FAM83B: variants seen among roughly 807,000 people sequenced by gnomAD.
FAM83B encodes scaffolding CK1 anchoring protein B, also known as protein FAM83B.
Under a neutral mutation model 38.8 loss-of-function variants are expected in FAM83B, and 26 were observed. The observed-to-expected ratio is 0.67, with a 90% CI of 0.49 to 0.93. FAM83B has a LOEUF of 0.93. Among genes scored for constraint, FAM83B ranks in the 40% least tolerant of loss-of-function variants. The probability of loss-of-function intolerance (pLI) is 0.00; values close to 1 mark genes in which losing one functional copy is unlikely to be tolerated. For synonymous variants in FAM83B, 419 were observed against 423.1 expected, an observed-to-expected ratio of 0.99 and a Z score of 0.12; for missense variants, 1,237 against 1,197.3, an observed-to-expected ratio of 1.03 and a Z score of -0.49.
chr6:54,890,180 A>G (rs1772369084), intron 2 of FAM83B, among the ~76,000 whole-genome samples: 1 of 152,070 alleles, frequency 6.6e-6, no homozygotes, highest in South Asian at 2.1e-4. Context: ...TGTTCATTTA[A>G]TCTGATTTTC....
intron 1 of FAM83B, among the ~76,000 whole-genome samples, chr6:54,851,417 C>G (rs1215216699): frequency 6.6e-6 from 1 of 151,846 alleles, no homozygotes; most frequent in Admixed American, 6.6e-5. Flanking sequence ...ATTTATTTGT[C>G]CATTTCACCA....
At chr6:54,927,029 G>A (rs144440541) in intron 3 of FAM83B, among the ~76,000 whole-genome samples, 63 of 152,134 alleles carry the variant, frequency 4.1e-4, no homozygotes, top group African/African-American at 1.4e-3. Flanking sequence ...CACCGTGCCC[G>A]GCCTTCATGA....
intron 4 of FAM83B, among the ~76,000 whole-genome samples, chr6:54,934,047 T>C (rs547631514): frequency 5.8e-4 from 88 of 152,182 alleles, no homozygotes; most frequent in Non-Finnish European, 1.1e-3. Context: ...ATCTTTTCAA[T>C]TGGTCGCTAG....
chr6:54,903,196 C>CT (rs1474072819), intron 2 of FAM83B, among the ~76,000 whole-genome samples: 1 of 151,882 alleles, frequency 6.6e-6, no homozygotes, highest in Non-Finnish European at 1.5e-5. Flanking sequence ...ATTGGAATGC[C>CT]TTATTATTTA....
At chr6:54,923,790 T>TA (rs148721474) in intron 2 of FAM83B, among the ~76,000 whole-genome samples, 3,516 of 152,082 alleles carry the variant, frequency 0.023, 60 homozygotes, top group Middle Eastern at 0.062. Flanking sequence ...CCTTTATACT[T>TA]AGCCCTCTGG....
intron 2 of FAM83B, among the ~76,000 whole-genome samples, chr6:54,908,553 A>G (rs1165780575): frequency 6.6e-6 from 1 of 152,148 alleles, no homozygotes; most frequent in Non-Finnish European, 1.5e-5. Flanking sequence ...ATAATTTCTC[A>G]TCCATAATGG....
At chr6:54,905,132 A>G (rs751498452) in intron 2 of FAM83B, among the ~76,000 whole-genome samples, 4 of 152,162 alleles carry the variant, frequency 2.6e-5, no homozygotes, top group Non-Finnish European at 5.9e-5. Flanking sequence ...GGTGGAGAAA[A>G]GAACCTGGGG....
intron 2 of FAM83B, among the ~76,000 whole-genome samples, chr6:54,904,237 A>G (rs982547804): frequency 2.0e-5 from 3 of 152,160 alleles, no homozygotes; most frequent in Admixed American, 6.5e-5. Context: ...TAATGTTGCT[A>G]GAGAATGATG....
At chr6:54,892,283 T>C (rs1772422302) in intron 2 of FAM83B, among the ~76,000 whole-genome samples, 1 of 151,986 alleles carries the variant, frequency 6.6e-6, no homozygotes, top group Non-Finnish European at 1.5e-5. Flanking sequence ...TTTTTAACTT[T>C]CATTTTAAGT....
Position 54,940,315 on chromosome 6 carries a change from T to C in FAM83B, c.1344T>C (p.Leu448=), listed in dbSNP as rs748850090. The C allele has an allele frequency of 4.3e-6, 7 of 1,614,046 alleles. No homozygotes were observed. The highest frequency in any genetic ancestry group is 2.5e-6 in the Non-Finnish European group (3 of 1,179,998). ...NTPAQSFANR[L]AQRKTTNLAD... ...CTGCCCAGAGTTTTGCCAATCGGCT[T>C]GCGCAGAGAAAAACAACAAATCTTG... The change falls in exon 5 of 5, where the codon CTT becomes CTC. Residue 448 remains leucine (L), a synonymous_variant. Coordinates refer to ENST00000306858, the MANE Select transcript of FAM83B (RefSeq NM_001010872.3).
intron 2 of FAM83B, among the ~76,000 whole-genome samples, chr6:54,913,492 C>T (rs932863505): frequency 7.3e-5 from 11 of 151,544 alleles, no homozygotes; most frequent in Non-Finnish European, 1.6e-4. Flanking sequence ...TCAGTTTGCC[C>T]GAGTAGAAAA....
At chr6:54,900,918 G>A (rs771783936) in intron 2 of FAM83B, among the ~76,000 whole-genome samples, 2 of 152,176 alleles carry the variant, frequency 1.3e-5, no homozygotes, top group Admixed American at 6.5e-5. Flanking sequence ...GCAGGCACGC[G>A]TGGGCTCAAC....
intron 4 of FAM83B, among the ~76,000 whole-genome samples, chr6:54,935,791 T>G (rs2127590560): frequency 6.6e-6 from 1 of 152,166 alleles, no homozygotes; most frequent in Admixed American, 6.6e-5. Flanking sequence ...AGGACTGATT[T>G]GTGAGAAGTT....
chr6:54,869,632 C>T lies in FAM83B; in HGVS notation c.-60-555C>T, dbSNP rs191986773. Among the ~76,000 whole-genome samples, 14 of 152,232 alleles carry T rather than the reference C, an allele frequency of 9.2e-5. No individual in the cohort carries two copies. In the East Asian group the frequency reaches 2.3e-3, roughly 25 times the overall value. On this transcript the variant is annotated intron_variant, in intron 1 of 4. Coordinates refer to ENST00000306858, the MANE Select transcript of FAM83B (RefSeq NM_001010872.3). ...TCTTACTCATTGCTCCGGGTCCAGCCGAAGCCCACCTCTTGCTCAGGGCTG... is the reference window on the plus strand; with the variant it reads ...TCTTACTCATTGCTCCGGGTCCAGCTGAAGCCCACCTCTTGCTCAGGGCTG...
chr6:54,933,711 T>C (rs9475074), intron 4 of FAM83B, among the ~76,000 whole-genome samples: 8,245 of 152,176 alleles, frequency 0.054, 749 homozygotes, highest in African/African-American at 0.19. Flanking sequence ...CTCTCGTTCC[T>C]TTGGTGTCTG....
intron 2 of FAM83B, among the ~76,000 whole-genome samples, chr6:54,899,954 A>G (rs1460492111): frequency 6.6e-6 from 1 of 152,214 alleles, no homozygotes; most frequent in East Asian, 1.9e-4. Flanking sequence ...ATAAAATGAA[A>G]CAACTCACAT....
Position 54,944,496 on chromosome 6 carries a change from T to C in FAM83B, c.*2489T>C, listed in dbSNP as rs150190934. Reference sequence around the variant, plus strand: ...CCCGAATACACAGATATCCCTCTATTACAAGTTTGGGATTAGCCATAATTC... The same window carrying C: ...CCCGAATACACAGATATCCCTCTATCACAAGTTTGGGATTAGCCATAATTC... On this transcript the variant is annotated 3_prime_UTR_variant, in exon 5 of 5. Coordinates refer to ENST00000306858, the MANE Select transcript of FAM83B (RefSeq NM_001010872.3). 16 of 152,328 alleles carry C rather than the reference T, an allele frequency of 1.1e-4. No homozygotes were observed. In the East Asian group the frequency reaches 3.1e-3, roughly 29 times the overall value. 9.4% of individuals were successfully genotyped at this position (152,328 alleles called of 1,614,324 possible).
chr6:54,911,161 G>GTGTGTA (rs1772900337), intron 2 of FAM83B, among the ~76,000 whole-genome samples: 1 of 151,486 alleles, frequency 6.6e-6, no homozygotes, highest in African/African-American at 2.4e-5. Flanking sequence ...GTGTGTGTGT[G>GTGTGTA]TGTGTATGTG....
chr6:54,898,220 G>T (rs1393776), intron 2 of FAM83B, among the ~76,000 whole-genome samples: 62,135 of 151,736 alleles, frequency 0.41, 13,667 homozygotes, highest in East Asian at 0.86. Flanking sequence ...CTGACATACT[G>T]GAACCTGCCC....
Sources: allele counts gnomAD v4.1 joint callset (sites outside exome capture counted in the v4.1 genomes callset), GRCh38; gene constraint gnomAD v4.1.1; transcripts MANE v1.5; gene names NCBI Gene and HGNC (gene_info 2026-07-23, HGNC 2026-07-21).